Variants in SLC44A5 observed in about 807,000 individuals in gnomAD.
SLC44A5 encodes the protein solute carrier family 44 member 5.
A neutral mutation model predicts 101.8 loss-of-function variants in SLC44A5; 57 were observed. The observed-to-expected ratio is 0.56, with a 90% CI of 0.45 to 0.70. The LOEUF (loss-of-function observed/expected upper bound fraction) is 0.70. Among genes scored for constraint, SLC44A5 ranks in the 30% least tolerant of loss-of-function variants. SLC44A5 has a pLI of 0.00. For synonymous variants in SLC44A5, 281 were observed against 290.9 expected (o/e 0.97, Z 0.35); for missense variants, 737 against 853.1 (o/e 0.86, Z 1.70).
the SLC44A5 span, among the ~76,000 whole-genome samples, chr1:75,662,761 G>A: frequency 6.6e-6 from 1 of 152,030 alleles, no homozygotes; most frequent in Non-Finnish European, 1.5e-5. Flanking sequence ...TAATAATGAT[G>A]TGTTTGTATT....
intron 3 of SLC44A5, among the ~76,000 whole-genome samples, chr1:75,394,622 G>C (rs1323898359): frequency 1.3e-5 from 2 of 152,116 alleles, no homozygotes; most frequent in Non-Finnish European, 2.9e-5. Flanking sequence ...GCTTTGGTGG[G>C]CCTCAGCTTC....
intron 19 of SLC44A5, 141 bp from the exon 20 acceptor site, chr1:75,214,819 G>T: frequency 8.8e-5 from 56 of 634,728 alleles, no homozygotes; most frequent in South Asian, 4.4e-4. Flanking sequence ...ATGTGTATTT[G>T]TGGGACACAC....
At chr1:75,686,579 T>C in the SLC44A5 span, among the ~76,000 whole-genome samples, 2 of 152,236 alleles carry the variant, frequency 1.3e-5, no homozygotes, top group Non-Finnish European at 2.9e-5. Context: ...GAGTCAGATG[T>C]TGCAGGATCA....
At chr1:75,361,996 C>T (rs962968372) in intron 3 of SLC44A5, among the ~76,000 whole-genome samples, 2 of 151,900 alleles carry the variant, frequency 1.3e-5, no homozygotes, top group African/African-American at 2.4e-5. Context: ...TACTTATTAT[C>T]GATCTATTCA....
intron 2 of SLC44A5, among the ~76,000 whole-genome samples, chr1:75,434,738 T>G (rs1228700304): frequency 6.6e-6 from 1 of 152,134 alleles, no homozygotes; most frequent in Non-Finnish European, 1.5e-5. Context: ...CACTTATTTC[T>G]AGAATCCACT....
At chr1:75,289,686 T>A (rs1460431383) in intron 5 of SLC44A5, among the ~76,000 whole-genome samples, 1 of 152,200 alleles carries the variant, frequency 6.6e-6, no homozygotes, top group African/African-American at 2.4e-5. Context: ...AAGGTACCTT[T>A]GATCAACTGA....
Position 75,307,281 on chromosome 1 carries a change from T to C in SLC44A5, c.102-6596A>G, listed in dbSNP as rs79131174. On this transcript the variant is annotated intron_variant, in intron 4 of 23. Transcript: ENST00000370859. Reference sequence around the variant, plus strand: ...ACATCTGTCTACAACATGGCTGCATTTATAACCCAAAGTCTAGAAGCATTG... The same window carrying C: ...ACATCTGTCTACAACATGGCTGCATCTATAACCCAAAGTCTAGAAGCATTG... Among the ~76,000 whole-genome samples, 1,275 of 152,220 alleles carry C rather than the reference T, an allele frequency of 8.4e-3. 27 individuals carry two copies. Among genetic ancestry groups the C allele is most frequent in the African/African-American group, 0.029 (1,211 of 41,524 alleles).
intron 2 of SLC44A5, among the ~76,000 whole-genome samples, chr1:75,495,146 C>A (rs1202523745): frequency 6.6e-6 from 1 of 152,020 alleles, no homozygotes; most frequent in Non-Finnish European, 1.5e-5. Context: ...ATGTAATTTG[C>A]CTGTTGGAGT....
At chr1:75,286,911 C>A (rs1475198121) in intron 5 of SLC44A5, among the ~76,000 whole-genome samples, 1 of 152,004 alleles carries the variant, frequency 6.6e-6, no homozygotes, top group African/African-American at 2.4e-5. Flanking sequence ...CTTTAGATAA[C>A]CTGATGTATA....
At chr1:75,214,777 C>A in intron 19 of SLC44A5, 99 bp from the exon 20 acceptor site, 1 of 905,154 alleles carries the variant, frequency 1.1e-6, no homozygotes, top group South Asian at 1.6e-5. Context: ...TAATTCCTGT[C>A]ATTTGTAGAG....
At chr1:75,358,055 T>A (rs889942836) in intron 3 of SLC44A5, among the ~76,000 whole-genome samples, 1 of 151,966 alleles carries the variant, frequency 6.6e-6, no homozygotes, top group Non-Finnish European at 1.5e-5. Flanking sequence ...TAGTCCTGCA[T>A]ACTATTGCTT....
the SLC44A5 span, among the ~76,000 whole-genome samples, chr1:75,712,550 C>T: frequency 6.6e-6 from 1 of 151,924 alleles, no homozygotes; most frequent in Non-Finnish European, 1.5e-5. Flanking sequence ...TTTTCATTGG[C>T]AAGGCTGACA....
intron 13 of SLC44A5, among the ~76,000 whole-genome samples, chr1:75,225,853 C>T (rs572373732): frequency 7.9e-5 from 12 of 152,252 alleles, no homozygotes; most frequent in South Asian, 2.1e-4. Context: ...CTTTACTTTT[C>T]CAATGGCAGA....
At chr1:75,478,352 C>G (rs569662542) in intron 2 of SLC44A5, among the ~76,000 whole-genome samples, 2 of 152,138 alleles carry the variant, frequency 1.3e-5, no homozygotes, top group Non-Finnish European at 2.9e-5. Context: ...AACTAACGAG[C>G]AAAATAACCA....
intron 2 of SLC44A5, among the ~76,000 whole-genome samples, chr1:75,472,369 A>G (rs1251074384): frequency 6.6e-6 from 1 of 152,168 alleles, no homozygotes; most frequent in Non-Finnish European, 1.5e-5. Context: ...CATTCTGCAA[A>G]GTTAATAACA....
At chr1:75,324,723 C>T (rs974979172) in intron 4 of SLC44A5, among the ~76,000 whole-genome samples, 2 of 152,042 alleles carry the variant, frequency 1.3e-5, no homozygotes, top group African/African-American at 4.8e-5. Context: ...AGAGGATCAT[C>T]TATTTTTTCT....
At chr1:75,263,505 A>T (rs1434486009) in intron 6 of SLC44A5, among the ~76,000 whole-genome samples, 1 of 152,190 alleles carries the variant, frequency 6.6e-6, no homozygotes, top group Non-Finnish European at 1.5e-5. Flanking sequence ...GATGTGGAGA[A>T]ATAGGAATGC....
At chr1:75,659,448 GGAA>G in the SLC44A5 span, among the ~76,000 whole-genome samples, 3 of 17,436 alleles carry the variant, frequency 1.7e-4, no homozygotes, top group Admixed American at 1.3e-3. Context: ...AGGGAGGGAA[GGAA>G]GGAAGGAAGG....
intron 6 of SLC44A5, among the ~76,000 whole-genome samples, chr1:75,252,598 T>C (rs638302): frequency 0.71 from 108,378 of 152,108 alleles, 38,977 homozygotes; most frequent in East Asian, 0.93. Flanking sequence ...TAGAGGGTTC[T>C]AAGAGAATCT....
Sources: allele counts gnomAD v4.1 joint callset (sites outside exome capture counted in the v4.1 genomes callset), GRCh38; gene constraint gnomAD v4.1.1; transcripts MANE v1.5; gene names NCBI Gene and HGNC (gene_info 2026-07-23, HGNC 2026-07-21).